Variants in LRRC4C observed in about 807,000 individuals in gnomAD.
LRRC4C encodes leucine-rich repeat-containing protein 4C.
A neutral mutation model predicts 33.6 loss-of-function variants in LRRC4C; 5 were observed. The ratio of observed to expected loss-of-function variants is 0.15; its 90% CI spans 0.08 to 0.31. The LOEUF (loss-of-function observed/expected upper bound fraction) is 0.31. Ranked by LOEUF, LRRC4C falls within the 10% of genes least tolerant of loss-of-function variation. The probability of loss-of-function intolerance (pLI) is 1.00; values close to 1 mark genes in which losing one functional copy is unlikely to be tolerated. For synonymous variants in LRRC4C, 329 were observed against 302.0 expected (o/e 1.09, Z -0.93); for missense variants, 560 against 796.7 (o/e 0.70, Z 3.58).
chr11:41,027,253 T>C (rs553446129), intron 1 of LRRC4C, among the ~76,000 whole-genome samples: 2 of 151,788 alleles, frequency 1.3e-5, no homozygotes, highest in South Asian at 4.2e-4. Flanking sequence ...AGCCGAAGCA[T>C]TGTCATATCA....
At chr11:40,513,248 C>CAAAA (rs1171178910) in intron 3 of LRRC4C, among the ~76,000 whole-genome samples, 936 of 54,858 alleles carry the variant, frequency 0.017, 45 homozygotes, top group African/African-American at 0.053. Flanking sequence ...GACTCCGTCT[C>CAAAA]AAAAAAAAAA....
At position 40,218,578 on chromosome 11, in the gene LRRC4C, CTATGTATGTATGTATGTATGTATG is replaced by C. The variant is rs71060947; in HGVS notation, c.-96+22917_-96+22940del. Among the ~76,000 whole-genome samples, 42 of 115,560 alleles carry C rather than the reference CTATGTATGTATGTATGTATGTATG, an allele frequency of 3.6e-4. 1 individual carries two copies. Among genetic ancestry groups the C allele is most frequent in the Admixed American group, 6.0e-4 (7 of 11,582 alleles). 75.8% of individuals were successfully genotyped at this position (115,560 alleles called of 152,430 possible). ...AATTGTGAAACTTGAGATGAAGAAT[CTATGTATGTATGTATGTATGTATG>C]TATGTATGTATGTATGTATGTATGT... On this transcript the variant is annotated intron_variant, in intron 5 of 6. Coordinates refer to ENST00000528697, the MANE Select transcript of LRRC4C (RefSeq NM_001258419.2).
intron 1 of LRRC4C, among the ~76,000 whole-genome samples, chr11:41,405,330 C>A (rs533448717): frequency 6.6e-6 from 1 of 152,164 alleles, no homozygotes; most frequent in South Asian, 2.1e-4. Flanking sequence ...TATTCCCATC[C>A]AATTTTCTTG....
At chr11:40,304,771 G>A (rs575297435) in intron 4 of LRRC4C, among the ~76,000 whole-genome samples, 74 of 146,260 alleles carry the variant, frequency 5.1e-4, no homozygotes, top group African/African-American at 1.5e-3. Flanking sequence ...TTGCTCTGTC[G>A]CCCAGGCTGG....
chr11:40,904,345 G>GT (rs1487761799), intron 2 of LRRC4C, among the ~76,000 whole-genome samples: 1 of 152,072 alleles, frequency 6.6e-6, no homozygotes, highest in East Asian at 1.9e-4. Context: ...ACAGCTTTCT[G>GT]TTTTTTAGGC....
chr11:41,298,423 T>G (rs576476561), intron 1 of LRRC4C, among the ~76,000 whole-genome samples: 5 of 152,162 alleles, frequency 3.3e-5, no homozygotes, highest in Non-Finnish European at 7.4e-5. Flanking sequence ...AACTTTTTTT[T>G]TTTTTAAGCT....
chr11:40,132,801 T>C (rs1856735947), intron 6 of LRRC4C, among the ~76,000 whole-genome samples: 1 of 152,060 alleles, frequency 6.6e-6, no homozygotes, highest in African/African-American at 2.4e-5. Context: ...CAGAAACTGG[T>C]CATATGTTTT....
At chr11:40,592,822 A>G (rs1392687524) in intron 3 of LRRC4C, among the ~76,000 whole-genome samples, 1 of 152,136 alleles carries the variant, frequency 6.6e-6, no homozygotes, top group Non-Finnish European at 1.5e-5. Flanking sequence ...AAAAACATGA[A>G]CCAGCTCTAC....
At chr11:40,630,620 CA>C (rs1963407199) in intron 3 of LRRC4C, among the ~76,000 whole-genome samples, 1 of 152,024 alleles carries the variant, frequency 6.6e-6, no homozygotes, top group Admixed American at 6.6e-5. Context: ...TTATACAACT[CA>C]AAAGTGGTTA....
intron 1 of LRRC4C, among the ~76,000 whole-genome samples, chr11:41,145,051 G>T (rs1943668735): frequency 6.6e-6 from 1 of 152,088 alleles, no homozygotes; most frequent in African/African-American, 2.4e-5. Flanking sequence ...ACATAATGTT[G>T]TATGAGACCT....
intron 3 of LRRC4C, among the ~76,000 whole-genome samples, chr11:40,523,270 A>C (rs59502132): frequency 0.064 from 9,788 of 152,040 alleles, 814 homozygotes; most frequent in African/African-American, 0.2. Context: ...TTTGCATTTT[A>C]TTAATGCCTA....
intron 1 of LRRC4C, among the ~76,000 whole-genome samples, chr11:40,997,157 T>C (rs11036179): frequency 0.14 from 21,235 of 152,006 alleles, 1,605 homozygotes; most frequent in Middle Eastern, 0.21. Flanking sequence ...TTAGGGATAG[T>C]TGAAAAACTG....
intron 1 of LRRC4C, among the ~76,000 whole-genome samples, chr11:41,277,444 G>C (rs1171580241): frequency 6.6e-6 from 1 of 152,080 alleles, no homozygotes; most frequent in Non-Finnish European, 1.5e-5. Flanking sequence ...TAGAAATAAT[G>C]AACTATTGGA....
At chr11:40,889,220 T>C (rs1955591161) in intron 2 of LRRC4C, among the ~76,000 whole-genome samples, 1 of 152,108 alleles carries the variant, frequency 6.6e-6, no homozygotes, top group African/African-American at 2.4e-5. Context: ...TACAGTCCTT[T>C]AAAATATAGC....
At chr11:40,587,198 G>T (rs1341959123) in intron 3 of LRRC4C, among the ~76,000 whole-genome samples, 1 of 151,714 alleles carries the variant, frequency 6.6e-6, no homozygotes, top group Non-Finnish European at 1.5e-5. Flanking sequence ...CACTTCCCTT[G>T]TAAGTTGGAT....
intron 3 of LRRC4C, among the ~76,000 whole-genome samples, chr11:40,602,892 C>G (rs1294818707): frequency 6.6e-6 from 1 of 152,034 alleles, no homozygotes; most frequent in Non-Finnish European, 1.5e-5. Flanking sequence ...GTCATTGGCC[C>G]AAGAAATTCC....
At chr11:41,163,284 G>GTTTTTTTTTTTTGTTT (rs1555095280) in intron 1 of LRRC4C, among the ~76,000 whole-genome samples, 1 of 73,380 alleles carries the variant, frequency 1.4e-5, no homozygotes, top group Non-Finnish European at 2.4e-5. Flanking sequence ...TACTGTAACT[G>GTTTTTTTTTTTTGTTT]TTTTTTTTTT....
chr11:41,221,953 T>A (rs1452404779), intron 1 of LRRC4C, among the ~76,000 whole-genome samples: 1 of 152,108 alleles, frequency 6.6e-6, no homozygotes, highest in Non-Finnish European at 1.5e-5. Context: ...CCAACACACA[T>A]CCCAGTGAAT....
chr11:40,789,373 G>A (rs1192836991), intron 2 of LRRC4C, among the ~76,000 whole-genome samples: 1 of 151,996 alleles, frequency 6.6e-6, no homozygotes, highest in Admixed American at 6.6e-5. Flanking sequence ...ATAGTCGATT[G>A]CACATCTATA....
Sources: gnomAD v4.1 joint callset for allele counts (sites outside exome capture counted in the v4.1 genomes callset) on GRCh38, gnomAD v4.1.1 for gene constraint, MANE v1.5 for transcripts, NCBI Gene and HGNC (gene_info 2026-07-23, HGNC 2026-07-21) for gene names.